MORC4: variants seen among roughly 807,000 people sequenced by gnomAD.
MORC4 encodes the protein MORC family CW-type zinc finger protein 4.
In MORC4, 22 loss-of-function variants were observed where a neutral mutation model predicts 65.5. The observed-to-expected ratio is 0.34, with a 90% CI of 0.24 to 0.48. MORC4 has a LOEUF of 0.48. Among genes scored for constraint, MORC4 ranks in the 20% least tolerant of loss-of-function variants. MORC4 has a pLI of 0.99. For missense variants in MORC4, 624 were observed against 703.0 expected (o/e 0.89, Z 1.27); for synonymous variants, 267 against 255.8 (o/e 1.04, Z -0.42).
intron 5 of MORC4, among the ~76,000 whole-genome samples, chrX:106,983,538 AT>A (rs1352691502): frequency 9.0e-6 from 1 of 111,713 alleles, no homozygotes; most frequent in Non-Finnish European, 1.9e-5. Flanking sequence ...TTTTAGGGTT[AT>A]TTTTTAGTGT....
chrX:106,993,504 G>A (rs1212099861), intron 2 of MORC4, 142 bp from the exon 3 acceptor site: 13 of 506,804 alleles, frequency 2.6e-5, no homozygotes, highest in South Asian at 1.6e-4. Context: ...GAGCATTAAC[G>A]GTAGTGCACT....
At position 106,941,374 on chromosome X, in the gene MORC4, GA is replaced by G. The variant is rs1244505900; in HGVS notation, c.*104del. On this transcript the variant is annotated 3_prime_UTR_variant, in exon 17 of 17. Transcript: ENST00000355610. Reference sequence around the variant, plus strand: ...ATATAAGGCATAAAGGTGAGGGTGAGAGAGAGAGAGAGAGAGAGAGAGAGAG... The same window carrying G: ...ATATAAGGCATAAAGGTGAGGGTGAGGAGAGAGAGAGAGAGAGAGAGAGAG... 1 of 78,713 alleles carries G rather than the reference GA, an allele frequency of 1.3e-5. No individual in the cohort carries two copies. The highest frequency in any genetic ancestry group is 1.2e-4 in the African/African-American group (1 of 8,213). 6.5% of individuals were successfully genotyped at this position (78,713 alleles called of 1,213,427 possible).
chrX:106,999,559 G>GCCCCCC, intron 2 of MORC4, 118 bp downstream of exon 2: 2 of 616,240 alleles, frequency 3.2e-6, no homozygotes, highest in Non-Finnish European at 4.5e-6. Flanking sequence ...CGGTTCCGAG[G>GCCCCCC]CCCCCACCCC....
At chrX:106,947,871 CAAT>C (rs1340010985) in intron 14 of MORC4, among the ~76,000 whole-genome samples, 1 of 107,407 alleles carries the variant, frequency 9.3e-6, no homozygotes, top group Non-Finnish European at 1.9e-5. Flanking sequence ...GACAATTCAA[CAAT>C]AATAGTTGGA....
At chrX:106,981,284 A>G in intron 6 of MORC4, 61 bp downstream of exon 6, 5 of 1,072,896 alleles carry the variant, frequency 4.7e-6, no homozygotes, top group Non-Finnish European at 6.3e-6. Context: ...ATCTTGTTCT[A>G]TAATATTTTC....
chrX:106,979,373 C>T (rs1371697622), intron 7 of MORC4, among the ~76,000 whole-genome samples: 1 of 111,070 alleles, frequency 9.0e-6, no homozygotes, highest in Non-Finnish European at 1.9e-5. Context: ...AAATCCTATG[C>T]CATAAAATTA....
rs1416242750 is a variant in MORC4, at chrX:106,986,059, A to T, written c.450T>A (p.Leu150=). ...CACATTCCAGATAGGTCTGTGATAG[A>T]AGTCCAACAGTGAGAGTACCCCCAT... The part of the protein sequence containing the change: ...TKNGGTLTVG[L]LSQTYLECVQ... Residue 150 remains leucine (L), a synonymous_variant, in exon 4 of 17, where the codon CTT becomes CTA. Transcript: ENST00000355610. 8.3e-7 allele frequency: 1 copy of T among 1,209,167 alleles called. No homozygotes were observed. Among genetic ancestry groups the T allele is most frequent in the Non-Finnish European group, 1.1e-6 (1 of 894,506 alleles).
At position 106,941,026 on chromosome X, in the gene MORC4, G is replaced by A. The variant is rs997503791; in HGVS notation, c.*453C>T. ...GTGTATAATGTGATGTATGTCTTAT[G>A]TTTCCAACGAGATTGTTACATCTTC... is the stretch of plus-strand genomic sequence containing the variant. On this transcript the variant is annotated 3_prime_UTR_variant, in exon 17 of 17. Coordinates refer to ENST00000355610, the MANE Select transcript of MORC4 (RefSeq NM_024657.5). The A allele has an allele frequency of 2.6e-5, 3 of 114,473 alleles. No individual in the cohort carries two copies. Among genetic ancestry groups the A allele is most frequent in the African/African-American group, 9.7e-5 (3 of 30,780 alleles). 9.4% of individuals were successfully genotyped at this position (114,473 alleles called of 1,213,427 possible). A position where few individuals can be genotyped will look rare whatever the true frequency, so the allele number is the denominator to read the frequency against.
At position 106,956,515 on chromosome X, in the gene MORC4, T is replaced by C; in HGVS notation, c.1474A>G (p.Lys492Glu). Residue 492 changes from lysine (K) to glutamate (E), a missense_variant, in exon 13 of 17, where the codon AAG becomes GAG. Physicochemically the swap from Lys to Glu is moderately conservative, Grantham distance 56. Transcript: ENST00000355610. Reference protein sequence around the residue: ...AKKQEQTVEEKKKMPMENENH... With the variant: ...AKKQEQTVEEEKKMPMENENH... ...TCATTTTCCATAGGCATCTTCTTCT[T>C]CTCCTCAACAGTTTGTTCTCTAGGA... is the stretch of plus-strand genomic sequence containing the variant. 1 of 1,207,538 alleles carries C rather than the reference T, an allele frequency of 8.3e-7. No individual in the cohort carries two copies. The highest frequency in any genetic ancestry group is 1.7e-5 in the African/African-American group (1 of 57,747).
chrX:106,974,111 A>T (rs768707946), intron 9 of MORC4, among the ~76,000 whole-genome samples: 1 of 111,833 alleles, frequency 8.9e-6, no homozygotes, highest in Admixed American at 9.5e-5. Flanking sequence ...TTAGTATGTA[A>T]TTTAGGAATG....
intron 3 of MORC4, among the ~76,000 whole-genome samples, chrX:106,987,029 T>C (rs2147824241): frequency 8.9e-6 from 1 of 111,816 alleles, no homozygotes; most frequent in African/African-American, 3.2e-5. Flanking sequence ...ATTATATATC[T>C]TCCCTCACCA....
At chrX:106,942,270 A>G in intron 15 of MORC4, 49 bp from the exon 16 acceptor site, 1 of 1,152,362 alleles carries the variant, frequency 8.7e-7, no homozygotes, top group Non-Finnish European at 1.2e-6. Flanking sequence ...AGAGCACGCC[A>G]AAAACCGTTC....
intron 10 of MORC4, 76 bp from the exon 11 acceptor site, chrX:106,958,540 C>A: frequency 1.1e-6 from 1 of 902,234 alleles, no homozygotes; most frequent in South Asian, 3.8e-5. Flanking sequence ...AAGGTGCAGC[C>A]AAAAAAAGAA....
Position 106,958,360 on chromosome X carries a change from T to C in MORC4, c.1361A>G (p.Tyr454Cys), listed in dbSNP as rs1320578188. The part of the protein sequence containing the change: ...PSMLPARWFC[Y>C]YNSHPKYRRC... The stretch of plus-strand genomic sequence containing the variant: ...CCTGTACTTTGGATGGGAATTATAA[T>C]AACAAAACCATCTTGCAGGTAACAT... The change falls in exon 11 of 17, where the codon TAT becomes TGT. Residue 454 changes from tyrosine to cysteine, a missense_variant. Physicochemically the swap from Tyr to Cys is radical, Grantham distance 194 (BLOSUM62 -2). Transcript: ENST00000355610. The C allele has an allele frequency of 3.3e-6, 4 of 1,204,839 alleles. No homozygotes were observed. Among genetic ancestry groups the C allele is most frequent in the African/African-American group, 3.5e-5 (2 of 56,956 alleles).
At chrX:106,995,780 T>A (rs906241840) in intron 2 of MORC4, among the ~76,000 whole-genome samples, 7 of 112,249 alleles carry the variant, frequency 6.2e-5, no homozygotes. Flanking sequence ...AGAAATGCAG[T>A]TCTTTACTTT....
intron 3 of MORC4, among the ~76,000 whole-genome samples, chrX:106,986,464 A>C (rs1322761847): frequency 9.0e-6 from 1 of 111,670 alleles, no homozygotes; most frequent in Non-Finnish European, 1.9e-5. Flanking sequence ...ACACTTTATA[A>C]ATGTAAAAAA....
chrX:106,996,182 C>CT (rs565884580), intron 2 of MORC4, among the ~76,000 whole-genome samples: 1,469 of 85,212 alleles, frequency 0.017, 24 homozygotes, highest in Admixed American at 0.045. Flanking sequence ...TTACTAGGTA[C>CT]TTTTTTTTTT....
intron 9 of MORC4, among the ~76,000 whole-genome samples, chrX:106,964,784 T>G (rs1934333357): frequency 1.8e-5 from 2 of 111,440 alleles, no homozygotes; most frequent in African/African-American, 6.5e-5. Flanking sequence ...CTGAGGCAGG[T>G]GGATCACCTG....
intron 14 of MORC4, among the ~76,000 whole-genome samples, chrX:106,949,179 T>C: frequency 8.9e-6 from 1 of 111,801 alleles, no homozygotes; most frequent in Non-Finnish European, 1.9e-5. Context: ...TAATGTGCTG[T>C]TGAGTCCCTT....
Sources: gnomAD v4.1 joint callset for allele counts (sites outside exome capture counted in the v4.1 genomes callset) on GRCh38, gnomAD v4.1.1 for gene constraint, MANE v1.5 for transcripts, NCBI Gene and HGNC (gene_info 2026-07-23, HGNC 2026-07-21) for gene names.